ZNF385D: variants seen among roughly 807,000 people sequenced by gnomAD.
ZNF385D encodes the protein zinc finger protein 659.
Under a neutral mutation model 35.8 loss-of-function variants are expected in ZNF385D, and 15 were observed. The observed-to-expected ratio is 0.42, with a 90% CI of 0.28 to 0.64. ZNF385D has a LOEUF of 0.64. Among genes scored for constraint, ZNF385D ranks in the 30% least tolerant of loss-of-function variants. The pLI is 0.23. For synonymous variants in ZNF385D, 212 were observed against 186.8 expected (o/e 1.13, Z -1.10); for missense variants, 474 against 494.6 (o/e 0.96, Z 0.39).
chr3:21,595,041 C>T (rs1247463488), intron 2 of ZNF385D, among the ~76,000 whole-genome samples: 1 of 152,064 alleles, frequency 6.6e-6, no homozygotes, highest in Non-Finnish European at 1.5e-5. Flanking sequence ...ATTTTCCAGC[C>T]CAGGCTTAAC....
rs189591584 is a variant in ZNF385D, at chr3:21,741,314, C to A, written c.22+9581G>T. ...GTATTTAGGATCCTACACAACTTTT[C>A]TTTTAAAGGAAAAAAATTAATCAAT... is the stretch of plus-strand genomic sequence containing the variant. On this transcript the variant is annotated intron_variant, in intron 1 of 7. Coordinates refer to ENST00000281523, the MANE Select transcript of ZNF385D (RefSeq NM_024697.3). Among the ~76,000 whole-genome samples, 60 of 152,290 alleles carry A rather than the reference C, an allele frequency of 3.9e-4. 1 individual carries two copies. Among genetic ancestry groups the A allele is most frequent in the Non-Finnish European group, 7.1e-4 (48 of 68,004 alleles).
chr3:21,868,927 A>T (rs1188119264), intron 3 of ZNF385D, among the ~76,000 whole-genome samples: 1 of 152,066 alleles, frequency 6.6e-6, no homozygotes, highest in African/African-American at 2.4e-5. Flanking sequence ...TCAGAGGTGA[A>T]ATTTTATGCT....
chr3:22,105,606 G>A (rs747492040), intron 3 of ZNF385D, among the ~76,000 whole-genome samples: 13 of 151,784 alleles, frequency 8.6e-5, no homozygotes, highest in African/African-American at 1.2e-4. Flanking sequence ...CACAGTTCAG[G>A]TCTGAGGGAC....
At chr3:22,187,995 A>C (rs1239259891) in intron 2 of ZNF385D, among the ~76,000 whole-genome samples, 1 of 152,174 alleles carries the variant, frequency 6.6e-6, no homozygotes, top group Non-Finnish European at 1.5e-5. Flanking sequence ...GGGTCTAGAA[A>C]TCGTGCACCC....
chr3:21,806,342 C>CT (rs773358234), intron 3 of ZNF385D, among the ~76,000 whole-genome samples: 1 of 151,914 alleles, frequency 6.6e-6, no homozygotes, highest in Admixed American at 6.6e-5. Flanking sequence ...GCAGCTGGGA[C>CT]TACAGGCGCC....
intron 3 of ZNF385D, among the ~76,000 whole-genome samples, chr3:21,910,216 T>G (rs1278745385): frequency 6.6e-6 from 1 of 151,994 alleles, no homozygotes; most frequent in Non-Finnish European, 1.5e-5. Flanking sequence ...CATTCACTGT[T>G]TAGTACATTG....
rs370414607 is a variant in ZNF385D, at chr3:22,014,999, TTTG to T, written c.325+153815_325+153817del. 2.8e-3 allele frequency among the ~76,000 whole-genome samples: 429 copies of T among 152,076 alleles called. 6 individuals are homozygous for T. The highest frequency in any genetic ancestry group is 1.0e-2 in the African/African-American group (412 of 41,342). ...AGAAATTTCATTCATCATACATGTCTTTGTTGTTTGAATGTTCACAACAAGCAT... is the reference window on the plus strand; with the variant it reads ...AGAAATTTCATTCATCATACATGTCTTTGTTTGAATGTTCACAACAAGCAT... On this transcript the variant is annotated intron_variant, in intron 3 of 5. Transcript: ENST00000494108.
chr3:21,964,521 A>G (rs1702793108), intron 3 of ZNF385D, among the ~76,000 whole-genome samples: 1 of 109,660 alleles, frequency 9.1e-6, no homozygotes, highest in Non-Finnish European at 1.7e-5. Context: ...ACGGAGTCTC[A>G]CTCTGTCGCC....
At chr3:22,232,027 T>C (rs1698924164) in intron 2 of ZNF385D, among the ~76,000 whole-genome samples, 1 of 152,112 alleles carries the variant, frequency 6.6e-6, no homozygotes, top group Non-Finnish European at 1.5e-5. Flanking sequence ...GAAGCCACTA[T>C]GTTTCCTGTA....
chr3:22,063,173 C>A (rs1196305445), intron 3 of ZNF385D, among the ~76,000 whole-genome samples: 1 of 152,038 alleles, frequency 6.6e-6, no homozygotes, highest in Admixed American at 6.6e-5. Flanking sequence ...ATTTTTTTAA[C>A]CTTTCTGAAC....
intron 3 of ZNF385D, among the ~76,000 whole-genome samples, chr3:21,990,843 C>T (rs6790810): frequency 0.17 from 25,371 of 152,064 alleles, 5,344 homozygotes; most frequent in African/African-American, 0.5. Context: ...CTTGGATTTC[C>T]TTTGAAAACA....
chr3:22,253,267 G>C (rs182931592), intron 2 of ZNF385D, among the ~76,000 whole-genome samples: 1 of 151,792 alleles, frequency 6.6e-6, no homozygotes, highest in East Asian at 1.9e-4. Context: ...TGGTAGGATG[G>C]GAAAAAGTTA....
At chr3:22,087,145 T>C (rs1307956442) in intron 3 of ZNF385D, among the ~76,000 whole-genome samples, 1 of 152,184 alleles carries the variant, frequency 6.6e-6, no homozygotes, top group South Asian at 2.1e-4. Context: ...TGAGATCTTT[T>C]TTGAAACAGC....
At chr3:21,548,029 T>C (rs76822757) in intron 3 of ZNF385D, among the ~76,000 whole-genome samples, 5,631 of 152,206 alleles carry the variant, frequency 0.037, 190 homozygotes, top group Middle Eastern at 0.078. Flanking sequence ...GGGAGGAGCC[T>C]GGCCCCTCCT....
intron 1 of ZNF385D, among the ~76,000 whole-genome samples, chr3:21,705,425 T>C (rs181329128): frequency 1.3e-5 from 2 of 152,336 alleles, no homozygotes; most frequent in East Asian, 1.9e-4. Context: ...CCAAAGAGCA[T>C]GAGACAAAAC....
intron 1 of ZNF385D, among the ~76,000 whole-genome samples, chr3:21,675,401 A>T (rs1404693309): frequency 6.6e-6 from 1 of 152,082 alleles, no homozygotes; most frequent in African/African-American, 2.4e-5. Context: ...CCTCTGTAGG[A>T]TAGCTCCTTT....
chr3:22,138,427 C>T lies in ZNF385D; in HGVS notation c.325+30390G>A, dbSNP rs1363579527. 3.3e-5 allele frequency among the ~76,000 whole-genome samples: 5 copies of T among 152,032 alleles called. No homozygotes were observed. In the South Asian group the frequency reaches 1.0e-3, roughly 32 times the overall value. On this transcript the variant is annotated intron_variant, in intron 3 of 5. Coordinates refer to the ZNF385D transcript ENST00000494108. Reference sequence around the variant, plus strand: ...CCTGACTTCAAACTATACTACAAGGCTACAGTAACCAAAACAGCATGGTAC... The same window carrying T: ...CCTGACTTCAAACTATACTACAAGGTTACAGTAACCAAAACAGCATGGTAC...
intron 3 of ZNF385D, among the ~76,000 whole-genome samples, chr3:22,093,952 C>A (rs1308418352): frequency 6.6e-6 from 1 of 152,070 alleles, no homozygotes. Flanking sequence ...CAGCTCCCCA[C>A]CCACTTGGTT....
intron 3 of ZNF385D, among the ~76,000 whole-genome samples, chr3:21,512,430 T>A (rs545217459): frequency 3.3e-5 from 5 of 152,172 alleles, no homozygotes; most frequent in Non-Finnish European, 7.3e-5. Flanking sequence ...AATCACATTG[T>A]CCTCTTCATT....
Sources: gnomAD v4.1 joint callset for allele counts (sites outside exome capture counted in the v4.1 genomes callset) on GRCh38, gnomAD v4.1.1 for gene constraint, MANE v1.5 for transcripts, NCBI Gene and HGNC (gene_info 2026-07-23, HGNC 2026-07-21) for gene names.